Variants in LRRC66 observed in about 807,000 individuals in gnomAD.
LRRC66 encodes leucine-rich repeat-containing protein 66.
Under a neutral mutation model 24.6 loss-of-function variants are expected in LRRC66, and 29 were observed. That is an observed-to-expected ratio of 1.18 (90% CI 0.88 to 1.61). The LOEUF (loss-of-function observed/expected upper bound fraction) is 1.61. LRRC66 is among the 40% of genes most tolerant of loss of function. The pLI is 0.00. For missense variants in LRRC66, 1,124 were observed against 1,058.0 expected (o/e 1.06, Z -0.87); for synonymous variants, 411 against 397.6 (o/e 1.03, Z -0.40).
At position 51,995,108 on chromosome 4, in the gene LRRC66, T is replaced by A. The variant is rs1025163067; in HGVS notation, c.1914A>T (p.Pro638=). The change falls in exon 5 of 5, where the codon CCA becomes CCT. Residue 638 remains proline, a synonymous_variant. Transcript: ENST00000682860. ...CCTCAGCCCTTGCCCCGGACAGCCT[T>A]GGCTGCTGTATGCTCAGCAAATCAA... ...SSIDLLSIQQ[P]RLSGARAEEA... 7.4e-6 allele frequency: 12 copies of A among 1,614,232 alleles called. No individual in the cohort carries two copies. The highest frequency in any genetic ancestry group is 9.3e-6 in the Non-Finnish European group (11 of 1,180,040).
At chr4:52,012,091 G>A (rs1736718237) in intron 2 of LRRC66, among the ~76,000 whole-genome samples, 1 of 152,028 alleles carries the variant, frequency 6.6e-6, no homozygotes, top group African/African-American at 2.4e-5. Flanking sequence ...GAAGGCTAAG[G>A]CAGGAGAATC....
At chr4:52,005,751 A>C (rs1234714974) in intron 2 of LRRC66, among the ~76,000 whole-genome samples, 1 of 152,022 alleles carries the variant, frequency 6.6e-6, no homozygotes, top group African/African-American at 2.4e-5. Context: ...GTCCCTGTGC[A>C]CAGCCCTGCT....
intron 3 of LRRC66, among the ~76,000 whole-genome samples, chr4:51,998,659 A>C (rs776749203): frequency 1.3e-5 from 2 of 152,202 alleles, no homozygotes; most frequent in African/African-American, 2.4e-5. Flanking sequence ...ATCAGAAATG[A>C]AGGGGAAAGG....
rs551996303 is a variant in LRRC66, at chr4:52,019,352, G to C, written c.-6+952C>G. 2.0e-5 allele frequency among the ~76,000 whole-genome samples: 3 copies of C among 147,874 alleles called. No individual in the cohort carries two copies. The South Asian group carries it at 6.3e-4, about 31-fold the overall frequency. On this transcript the variant is annotated intron_variant, in intron 1 of 4. Transcript: ENST00000682860. Reference sequence around the variant, plus strand: ...TATTGTTTTGCTTTGTATCTGTTCTGAACTCCCAAAAAAAAAAGGAACATT... The same window carrying C: ...TATTGTTTTGCTTTGTATCTGTTCTCAACTCCCAAAAAAAAAAGGAACATT...
chr4:52,014,679 G>C lies in LRRC66; in HGVS notation c.496+2439C>G, dbSNP rs182729585. Among the ~76,000 whole-genome samples the C allele has an allele frequency of 5.2e-3, 786 of 152,240 alleles. 3 individuals carry two copies. The highest frequency in any genetic ancestry group is 0.017 in the Middle Eastern group (5 of 294). On this transcript the variant is annotated intron_variant, in intron 2 of 4. Coordinates refer to ENST00000682860, the MANE Select transcript of LRRC66 (RefSeq NM_001024611.3). ...GCCATAGTCACAGAATCATAAAATA[G>C]GAAAAATTGTTAGAGGAGACTCAAC... is the stretch of plus-strand genomic sequence containing the variant.
At position 52,015,683 on chromosome 4, in the gene LRRC66, A is replaced by T. The variant is rs1019052635; in HGVS notation, c.496+1435T>A. Among the ~76,000 whole-genome samples, 7 of 152,340 alleles carry T rather than the reference A, an allele frequency of 4.6e-5. No homozygotes were observed. The Middle Eastern group carries it at 0.01, about 222-fold the overall frequency. ...ATCACATCTACCATACCAGTTAAAA[A>T]TTTTTGTTATATTATATGGATATAT... On this transcript the variant is annotated intron_variant, in intron 2 of 4. Coordinates refer to ENST00000682860, the MANE Select transcript of LRRC66 (RefSeq NM_001024611.3).
At position 51,994,743 on chromosome 4, in the gene LRRC66, T is replaced by TG. The variant is rs1235439461; in HGVS notation, c.2278dup (p.Gln760ProfsTer15). On this transcript the variant is annotated frameshift_variant, in exon 5 of 5. Coordinates refer to ENST00000682860, the MANE Select transcript of LRRC66 (RefSeq NM_001024611.3). LOFTEE classifies it low-confidence loss of function (END_TRUNC). ...ATTCTTGCATTTCCCTGGAATTGTT[T>TG]GGAAGGTAACATTTTCCTCAAGACT... The TG allele has an allele frequency of 3.7e-6, 6 of 1,614,102 alleles. No individual in the cohort carries two copies. The African/African-American group carries it at 8.0e-5, about 22-fold the overall frequency.
chr4:52,016,159 A>G (rs1468629993), intron 2 of LRRC66, among the ~76,000 whole-genome samples: 1 of 152,214 alleles, frequency 6.6e-6, no homozygotes, highest in South Asian at 2.1e-4. Context: ...TTCTGCTGAC[A>G]TGGTGACTGT....
In LRRC66 at chr4:51,995,764, A is replaced by G; in HGVS notation, c.1258T>C (p.Tyr420His). 6.2e-7 allele frequency: 1 copy of G among 1,614,010 alleles called. No individual in the cohort carries two copies. Among genetic ancestry groups the G allele is most frequent in the Non-Finnish European group, 8.5e-7 (1 of 1,180,008 alleles). ...QSKSPGLDNA[Y>H]SNEGFYDDME... is the part of the protein sequence containing the mutation. ...TCATCGTAGAAGCCCTCGTTTGAAT[A>G]CGCGTTGTCCAGGCCAGGGCTTTTG... is the stretch of plus-strand genomic sequence containing the variant. Residue 420 changes from tyrosine (Y) to histidine (H), a missense_variant, in exon 5 of 5, where the codon TAT (tyrosine) becomes CAT (histidine). Transcript: ENST00000682860.
chr4:52,011,693 C>G (rs1342177122), intron 2 of LRRC66, among the ~76,000 whole-genome samples: 2 of 152,112 alleles, frequency 1.3e-5, no homozygotes, highest in Non-Finnish European at 2.9e-5. Flanking sequence ...GTGTGCCAGG[C>G]ACTATGAGAG....
In LRRC66 at chr4:52,017,406, T is replaced by G. The variant is rs1460762482; in HGVS notation, c.208A>C (p.Asn70His). 1.9e-6 allele frequency: 3 copies of G among 1,614,170 alleles called. No individual in the cohort carries two copies. Among genetic ancestry groups the G allele is most frequent in the Non-Finnish European group, 2.5e-6 (3 of 1,180,030 alleles). ...QTAATVDVSF[N>H]FFRVLLQSHT... The stretch of plus-strand genomic sequence containing the variant: ...GACTGTAAGAGAACTCTAAAGAAAT[T>G]GAAACTTACATCCACAGTGGCTGCT... Residue 70 changes from asparagine (N) to histidine (H), a missense_variant, in exon 2 of 5, where the codon AAT becomes CAT. Asn to His is a moderately conservative substitution (Grantham distance 68). Coordinates refer to ENST00000682860, the MANE Select transcript of LRRC66 (RefSeq NM_001024611.3).
rs909371630 is a variant in LRRC66 at position 52,011,698 on chromosome 4, TGA to T, written c.496+5418_496+5419del. Among the ~76,000 whole-genome samples the T allele has an allele frequency of 5.0e-4, 76 of 152,322 alleles. 1 individual carries two copies. The highest frequency in any genetic ancestry group is 1.8e-3 in the African/African-American group (75 of 41,572). ...AACACCTGCTGTGTGCCAGGCACTATGAGAGATGTTTTACATGTATCATCACT... is the reference window on the plus strand; with the variant it reads ...AACACCTGCTGTGTGCCAGGCACTATGAGATGTTTTACATGTATCATCACT... On this transcript the variant is annotated intron_variant, in intron 2 of 4. Coordinates refer to ENST00000682860, the MANE Select transcript of LRRC66 (RefSeq NM_001024611.3).
intron 4 of LRRC66, among the ~76,000 whole-genome samples, chr4:51,997,381 C>T (rs568773186): frequency 5.9e-5 from 9 of 152,220 alleles, no homozygotes; most frequent in Non-Finnish European, 1.2e-4. Flanking sequence ...AAAACTGTGA[C>T]GTTAAATTTT....
Position 52,017,622 on chromosome 4 carries a change from GA to G in LRRC66, c.-5-5del. 6.5e-7 allele frequency: 1 copy of G among 1,527,756 alleles called. No individual in the cohort carries two copies. Among genetic ancestry groups the G allele is most frequent in the East Asian group, 2.3e-5 (1 of 44,170 alleles). The allele number at this position is 1,527,756 out of a possible 1,614,324, so 94.6% of individuals were successfully genotyped here. A position where few individuals can be genotyped will look rare whatever the true frequency, so the allele number is the denominator to read the frequency against. ...AAATAGAGGTTTTTCATAATGCCTG[GA>G]AAAAGGAAAATGAATTGACTTATTC... On this transcript the variant is annotated splice_region_variant and splice_polypyrimidine_tract_variant and intron_variant, in intron 1 of 4. Transcript: ENST00000682860.
At chr4:51,997,704 T>G in intron 4 of LRRC66, 44 bp downstream of exon 4, 15 of 1,549,734 alleles carry the variant, frequency 9.7e-6, no homozygotes, top group Non-Finnish European at 1.3e-5. Context: ...ATGTGCATTT[T>G]TCATTATAAA....
Position 51,997,799 on chromosome 4 carries a change from T to A in LRRC66, c.805A>T (p.Ile269Phe), listed in dbSNP as rs947729903. ...CACTTTTTCCTCCAGGATTCAGAAA[T>A]AAAATTTTGAAAGACTGCCACACTA... ...DDSVAVFQNFISESWRKKWNV... is the reference protein window; with the variant it reads ...DDSVAVFQNFFSESWRKKWNV... The change falls in exon 4 of 5, where the codon ATT becomes TTT. Residue 269 changes from isoleucine (I) to phenylalanine (F), a missense_variant. Ile to Phe is a conservative substitution (Grantham distance 21). Coordinates refer to ENST00000682860, the MANE Select transcript of LRRC66 (RefSeq NM_001024611.3). 8 of 1,613,902 alleles carry A rather than the reference T, an allele frequency of 5.0e-6. No individual in the cohort carries two copies. The Admixed American group carries it at 8.3e-5, about 17-fold the overall frequency.
chr4:52,018,420 C>T (rs1373060516), intron 1 of LRRC66: 1 of 985,090 alleles, frequency 1.0e-6, no homozygotes, highest in Non-Finnish European at 1.2e-6. Flanking sequence ...AACTAAATTC[C>T]ACTTAAAAGC....
rs776660907 is a variant in LRRC66 at position 51,995,655 on chromosome 4, G to T, written c.1367C>A (p.Thr456Asn). Residue 456 changes from threonine (T) to asparagine (N), a missense_variant, in exon 5 of 5, where the codon ACC (threonine) becomes AAC (asparagine). Thr to Asn is a moderately conservative substitution (Grantham distance 65). Transcript: ENST00000682860. ...FPHLSLYENQ[T>N]PFWVTQPHPH... is the part of the protein sequence containing the mutation. The stretch of plus-strand genomic sequence containing the variant: ...GTGTGGCTGTGTCACCCAGAAAGGG[G>T]TCTGGTTCTCGTAGAGGCTTAGATG... The T allele has an allele frequency of 1.2e-6, 2 of 1,614,148 alleles. No individual in the cohort carries two copies. The highest frequency in any genetic ancestry group is 2.2e-5 in the East Asian group (1 of 44,870).
At chr4:52,006,157 T>A (rs190932683) in intron 2 of LRRC66, among the ~76,000 whole-genome samples, 9 of 152,248 alleles carry the variant, frequency 5.9e-5, no homozygotes, top group African/African-American at 2.2e-4. Context: ...TCCTCAGGGA[T>A]CTAGAACTAG....
Sources: allele counts gnomAD v4.1 joint callset (sites outside exome capture counted in the v4.1 genomes callset), GRCh38; gene constraint gnomAD v4.1.1; transcripts MANE v1.5; gene names NCBI Gene and HGNC (gene_info 2026-07-23, HGNC 2026-07-21).